The following PLEKHA1 variants were observed in gnomAD, a reference collection of about 807,000 sequenced individuals.
The protein encoded by PLEKHA1 is pleckstrin homology domain-containing family A member 1.
In PLEKHA1, 34 loss-of-function variants were observed where a neutral mutation model predicts 52.0. That is an observed-to-expected ratio of 0.65 (90% CI 0.50 to 0.87). The LOEUF (loss-of-function observed/expected upper bound fraction) is 0.87, where lower values mean the gene tolerates loss of function less well. Ranked by LOEUF, PLEKHA1 falls within the 40% of genes least tolerant of loss-of-function variation. PLEKHA1 has a pLI of 0.00. For missense variants in PLEKHA1, 497 were observed against 504.2 expected, an observed-to-expected ratio of 0.99 and a Z score of 0.14; for synonymous variants, 163 against 170.7, an observed-to-expected ratio of 0.95 and a Z score of 0.35.
chr10:122,409,097 A>G (rs934541048), intron 5 of PLEKHA1, among the ~76,000 whole-genome samples: 1 of 152,152 alleles, frequency 6.6e-6, no homozygotes, highest in African/African-American at 2.4e-5. Flanking sequence ...ATTATCCTCT[A>G]ACGCTATAGT....
At position 122,389,540 on chromosome 10, in the gene PLEKHA1, A is replaced by G. The variant is rs564374674; in HGVS notation, c.-20-3641A>G. 4.6e-5 allele frequency among the ~76,000 whole-genome samples: 7 copies of G among 152,306 alleles called. No homozygotes were observed. In the East Asian group the frequency reaches 1.4e-3, roughly 29 times the overall value. On this transcript the variant is annotated intron_variant, in intron 1 of 11. Transcript: ENST00000368990. ...TGTGGTGAAACCCTGTTTCTACTAA[A>G]AATACAAAAATTAGTCAGGCATGAT...
chr10:122,411,719 C>T (rs2097109164), intron 5 of PLEKHA1: 1 of 152,208 alleles, frequency 6.6e-6, no homozygotes, highest in Admixed American at 6.5e-5. Flanking sequence ...AGAAATCACA[C>T]TGCTTTGGAA....
At chr10:122,441,712 TA>T in the PLEKHA1 span, 1 of 152,122 alleles carries the variant, frequency 6.6e-6, no homozygotes, top group East Asian at 1.9e-4. Flanking sequence ...GGAATAAAAA[TA>T]TTTTTTTATT....
chr10:122,415,314 A>G (rs1464685077), intron 6 of PLEKHA1, among the ~76,000 whole-genome samples: 1 of 152,188 alleles, frequency 6.6e-6, no homozygotes, highest in African/African-American at 2.4e-5. Flanking sequence ...TAGGAACTCT[A>G]AAGTTCACAA....
chr10:122,401,049 C>G (rs2096920866), intron 4 of PLEKHA1, among the ~76,000 whole-genome samples: 1 of 152,176 alleles, frequency 6.6e-6, no homozygotes, highest in Non-Finnish European at 1.5e-5. Flanking sequence ...GGAGGAGATG[C>G]TTACGTTGGT....
At position 122,417,934 on chromosome 10, in the gene PLEKHA1, A is replaced by T. The variant is rs780658053; in HGVS notation, c.647A>T (p.Asp216Val). 16 of 1,612,074 alleles carry T rather than the reference A, an allele frequency of 9.9e-6. No individual in the cohort carries two copies. The highest frequency in any genetic ancestry group is 1.4e-5 in the Non-Finnish European group (16 of 1,178,504). Residue 216 changes from aspartate (D) to valine (V), a missense_variant, in exon 8 of 12, where the codon GAT (aspartate) becomes GTT (valine). Transcript: ENST00000368990. Reference sequence around the variant, plus strand: ...TGGAAGAGAAGATATTTTCAATTGGATGAAAACACAATAGGCTACTTCAAA... The same window carrying T: ...TGGAAGAGAAGATATTTTCAATTGGTTGAAAACACAATAGGCTACTTCAAA... ...KNWKRRYFQL[D>V]ENTIGYFKSE...
At chr10:122,380,604 A>C (rs1478374265) in intron 1 of PLEKHA1, among the ~76,000 whole-genome samples, 1 of 152,192 alleles carries the variant, frequency 6.6e-6, no homozygotes, top group Non-Finnish European at 1.5e-5. Context: ...GTAACAGGGC[A>C]GACGAGGCTT....
At chr10:122,412,837 T>G in intron 5 of PLEKHA1, 83 bp from the exon 6 acceptor site, 1 of 1,476,024 alleles carries the variant, frequency 6.8e-7, no homozygotes. Flanking sequence ...TGCAAACGGA[T>G]GAATAATTAG....
downstream of PLEKHA1, chr10:122,436,730 A>G (rs1286145152): frequency 8.5e-6 from 1 of 118,268 alleles, no homozygotes; most frequent in African/African-American, 2.6e-5. Flanking sequence ...TGTGGGTAAG[A>G]TAAGTGTTGT....
At position 122,393,191 on chromosome 10, in the gene PLEKHA1, A is replaced by C. The variant is rs745598795; in HGVS notation, c.-10A>C. The C allele has an allele frequency of 6.2e-7, 1 of 1,605,898 alleles. No individual in the cohort carries two copies. The highest frequency in any genetic ancestry group is 1.1e-5 in the South Asian group (1 of 88,836). The stretch of plus-strand genomic sequence containing the variant: ...ATTTTTATTTTACAGTGTAATGTTC[A>C]AGCTCAGAAATGCCTTATGTGGATC... On this transcript the variant is annotated 5_prime_UTR_variant, in exon 2 of 12. Transcript: ENST00000368990. The surrounding 1 kb of genome is among the most constrained non-coding windows in gnomAD (Gnocchi z 4.5).
intron 11 of PLEKHA1, 114 bp from the exon 12 acceptor site, chr10:122,429,494 TTGTGTGTGTGTGTGTG>T (rs35620141): frequency 7.0e-5 from 46 of 655,848 alleles, no homozygotes; most frequent in Middle Eastern, 3.5e-4. Context: ...GCTGCTGCCT[TTGTGTGTGTGTGTGTG>T]TGTGTGTGTG....
Position 122,397,984 on chromosome 10 carries a change from A to G in PLEKHA1, c.198+10A>G, listed in dbSNP as rs1188376511. On this transcript the variant is annotated intron_variant, in intron 3 of 11. Coordinates refer to ENST00000368990, the MANE Select transcript of PLEKHA1 (RefSeq NM_001001974.4). ...TACCTACATTTCAAAGGTAGTCTTTATACATTGTCTTATACTCGTGTGAAT... is the reference window on the plus strand; with the variant it reads ...TACCTACATTTCAAAGGTAGTCTTTGTACATTGTCTTATACTCGTGTGAAT... The G allele has an allele frequency of 6.2e-7, 1 of 1,600,462 alleles. No homozygotes were observed. Among genetic ancestry groups the G allele is most frequent in the Admixed American group, 1.7e-5 (1 of 59,934 alleles).
chr10:122,415,620 T>C (rs2097163291), intron 6 of PLEKHA1, among the ~76,000 whole-genome samples: 1 of 152,136 alleles, frequency 6.6e-6, no homozygotes, highest in Non-Finnish European at 1.5e-5. Flanking sequence ...AAAAGTTAAC[T>C]CCTTCCCCAA....
In PLEKHA1 at chr10:122,383,326, C is replaced by CTT. The variant is rs34354520; in HGVS notation, c.-21+8531_-21+8532dup. On this transcript the variant is annotated intron_variant, in intron 1 of 11. Coordinates refer to ENST00000368990, the MANE Select transcript of PLEKHA1 (RefSeq NM_001001974.4). The stretch of plus-strand genomic sequence containing the variant: ...TTCTTTCTTTCTGTTTTTTTTTTTT[C>CTT]TTTTTTTTTTTTAGAATGGGTCTTG... Among the ~76,000 whole-genome samples, 311 of 111,598 alleles carry CTT rather than the reference C, an allele frequency of 2.8e-3. 1 individual carries two copies. Among genetic ancestry groups the CTT allele is most frequent in the Non-Finnish European group, 4.4e-3 (246 of 55,796 alleles). The allele number at this position is 111,598 out of a possible 152,430, so 73.2% of individuals were successfully genotyped here. A position where few individuals can be genotyped will look rare whatever the true frequency, so the allele number is the denominator to read the frequency against.
At chr10:122,400,691 C>T (rs1565201795) in intron 4 of PLEKHA1, among the ~76,000 whole-genome samples, 1 of 152,120 alleles carries the variant, frequency 6.6e-6, no homozygotes, top group South Asian at 2.1e-4. Context: ...AAACTTTCTA[C>T]GTCATGTTAT....
intron 8 of PLEKHA1, chr10:122,423,438 A>AT (rs1038112104): frequency 1.7e-5 from 2 of 115,778 alleles, no homozygotes; most frequent in African/African-American, 5.7e-5. Flanking sequence ...AAAAAAAAAA[A>AT]ACAAAAAAAA....
Position 122,427,152 on chromosome 10 carries a change from T to C in PLEKHA1, c.900+121T>C, listed in dbSNP as rs2097351516. On this transcript the variant is annotated intron_variant, in intron 11 of 11. Coordinates refer to ENST00000368990, the MANE Select transcript of PLEKHA1 (RefSeq NM_001001974.4). Reference sequence around the variant, plus strand: ...AGATTTATTTGCATGTTGACTTTTATACCAATTGGACTTGCAAAAAATAAT... The same window carrying C: ...AGATTTATTTGCATGTTGACTTTTACACCAATTGGACTTGCAAAAAATAAT... The C allele has an allele frequency of 5.5e-6, 5 of 913,210 alleles. No homozygotes were observed. In the South Asian group the frequency reaches 7.1e-5, roughly 13 times the overall value. 56.6% of individuals were successfully genotyped at this position (913,210 alleles called of 1,614,324 possible). A position where few individuals can be genotyped will look rare whatever the true frequency, so the allele number is the denominator to read the frequency against.
chr10:122,377,859 A>G (rs1361926585), intron 1 of PLEKHA1, among the ~76,000 whole-genome samples: 1 of 152,188 alleles, frequency 6.6e-6, no homozygotes, highest in Non-Finnish European at 1.5e-5. Context: ...ATTCAGGAAG[A>G]TAGGGTTTTT....
chr10:122,442,564 T>C, the PLEKHA1 span: 1 of 152,342 alleles, frequency 6.6e-6, no homozygotes, highest in East Asian at 1.9e-4. Flanking sequence ...AAATGTCATA[T>C]ACACCCCACA....
Sources: gnomAD v4.1 joint callset for allele counts (sites outside exome capture counted in the v4.1 genomes callset) on GRCh38, gnomAD v4.1.1 for gene constraint, Gnocchi (gnomAD v3.1) non-coding constraint, MANE v1.5 for transcripts, NCBI Gene and HGNC (gene_info 2026-07-23, HGNC 2026-07-21) for gene names.